GOLGA7: variants seen among roughly 807,000 people sequenced by gnomAD.
GOLGA7 encodes the protein golgin subfamily A member 7.
In GOLGA7, 10 loss-of-function variants were observed where a neutral mutation model predicts 21.1. The observed-to-expected ratio is 0.47, with a 90% CI of 0.29 to 0.80. The LOEUF (loss-of-function observed/expected upper bound fraction) is 0.80, where lower values mean the gene tolerates loss of function less well. Among genes scored for constraint, GOLGA7 ranks in the 30% least tolerant of loss-of-function variants. The pLI, the probability that GOLGA7 is intolerant of heterozygous loss-of-function variation, is 0.08. For synonymous variants in GOLGA7, 64 were observed against 62.6 expected, an observed-to-expected ratio of 1.02 and a Z score of -0.10; for missense variants, 114 against 166.8, an observed-to-expected ratio of 0.68 and a Z score of 1.74.
intron 2 of GOLGA7, among the ~76,000 whole-genome samples, chr8:41,504,629 G>A (rs16890644): frequency 0.18 from 27,423 of 152,050 alleles, 2,992 homozygotes; most frequent in Middle Eastern, 0.31. Context: ...AATTTATTAC[G>A]TAAGAACCAT....
chr8:41,501,023 T>A (rs1223201744), intron 2 of GOLGA7, among the ~76,000 whole-genome samples: 3 of 152,234 alleles, frequency 2.0e-5, no homozygotes, highest in Non-Finnish European at 4.4e-5. Context: ...AGCACATCTC[T>A]TGAGTATTTT....
intron 2 of GOLGA7, among the ~76,000 whole-genome samples, chr8:41,503,307 T>G (rs1370114946): frequency 6.8e-6 from 1 of 146,772 alleles, no homozygotes; most frequent in African/African-American, 2.5e-5. Flanking sequence ...AGATTCTGGA[T>G]ATTAGCCCTT....
At chr8:41,505,608 A>T (rs1204713729) in intron 2 of GOLGA7, among the ~76,000 whole-genome samples, 2 of 152,220 alleles carry the variant, frequency 1.3e-5, no homozygotes. Context: ...GTGTTTCTCC[A>T]TATGCAGGAT....
At position 41,510,049 on chromosome 8, in the gene GOLGA7, G is replaced by A. The variant is rs1460347971; in HGVS notation, c.*481G>A. ...TCCAGGATTTTGGTGAGGGTTGGCT[G>A]TGGCTGTCGTTTTGCACCTCCCAGA... On this transcript the variant is annotated 3_prime_UTR_variant, in exon 5 of 5. Coordinates refer to ENST00000357743, the MANE Select transcript of GOLGA7 (RefSeq NM_001002296.2). The A allele has an allele frequency of 2.0e-5, 3 of 152,472 alleles. No homozygotes were observed. The highest frequency in any genetic ancestry group is 4.4e-5 in the Non-Finnish European group (3 of 68,036). The allele number at this position is 152,472 out of a possible 1,614,324, so 9.4% of individuals were successfully genotyped here. A position where few individuals can be genotyped will look rare whatever the true frequency, so the allele number is the denominator to read the frequency against.
At chr8:41,502,401 T>G (rs1806170552) in intron 2 of GOLGA7, among the ~76,000 whole-genome samples, 1 of 152,260 alleles carries the variant, frequency 6.6e-6, no homozygotes, top group Admixed American at 6.5e-5. Flanking sequence ...TTAAATTTTT[T>G]GAAATTGTAA....
At position 41,490,993 on chromosome 8, in the gene GOLGA7, T is replaced by G. The variant is rs1408437194; in HGVS notation, c.111+28T>G. On this transcript the variant is annotated intron_variant, in intron 1 of 4. Coordinates refer to ENST00000357743, the MANE Select transcript of GOLGA7 (RefSeq NM_001002296.2). ...ACGCAACCTGGCTCCCCACGCCTGC[T>G]CTGGCGAGGGAGAGAGACTCACCGG... is the stretch of plus-strand genomic sequence containing the variant. 5.6e-6 allele frequency: 7 copies of G among 1,254,686 alleles called. No homozygotes were observed. The Admixed American group carries it at 7.8e-5, about 14-fold the overall frequency. 77.7% of individuals were successfully genotyped at this position (1,254,686 alleles called of 1,614,324 possible).
chr8:41,499,385 T>C (rs924341597), intron 2 of GOLGA7, among the ~76,000 whole-genome samples: 1 of 152,234 alleles, frequency 6.6e-6, no homozygotes, highest in Non-Finnish European at 1.5e-5. Context: ...GGGCTTTCTG[T>C]ATCCCAGAGT....
intron 2 of GOLGA7, among the ~76,000 whole-genome samples, chr8:41,503,206 TAA>T (rs35017365): frequency 3.9e-4 from 58 of 148,516 alleles, no homozygotes; most frequent in South Asian, 2.1e-3. Flanking sequence ...CTAAAGTTTA[TAA>T]AAAAAAAAAA....
At chr8:41,495,718 CGTAAGTA>C (rs11277936) in intron 1 of GOLGA7, among the ~76,000 whole-genome samples, 3,611 of 150,196 alleles carry the variant, frequency 0.024, 143 homozygotes, top group African/African-American at 0.085. Context: ...AGAATTCATA[CGTAAGTA>C]GTTATTAATT....
chr8:41,498,548 G>T (rs1289072182), intron 2 of GOLGA7, among the ~76,000 whole-genome samples: 1 of 152,088 alleles, frequency 6.6e-6, no homozygotes, highest in Non-Finnish European at 1.5e-5. Flanking sequence ...CCTCCACCTG[G>T]AATGCTATCT....
intron 2 of GOLGA7, among the ~76,000 whole-genome samples, chr8:41,499,144 G>A (rs1009053712): frequency 2.0e-5 from 3 of 152,148 alleles, no homozygotes; most frequent in Non-Finnish European, 4.4e-5. Flanking sequence ...CCCTCGCAGG[G>A]CGTGTGATGG....
At chr8:41,508,582 CT>C (rs1040671887) in intron 4 of GOLGA7, among the ~76,000 whole-genome samples, 2 of 152,192 alleles carry the variant, frequency 1.3e-5, no homozygotes, top group African/African-American at 4.8e-5. Flanking sequence ...GCTGCGATGA[CT>C]TGGCACAGCC....
chr8:41,501,283 A>G (rs893335945), intron 2 of GOLGA7, among the ~76,000 whole-genome samples: 2 of 151,774 alleles, frequency 1.3e-5, no homozygotes, highest in Non-Finnish European at 2.9e-5. Flanking sequence ...GTTAGTGCTT[A>G]ATAAACAGTG....
chr8:41,497,752 G>C, intron 2 of GOLGA7, 91 bp downstream of exon 2: 1 of 692,992 alleles, frequency 1.4e-6, no homozygotes, highest in South Asian at 1.8e-5. Flanking sequence ...GATAGTTGCC[G>C]TAAAATATTT....
At chr8:41,493,043 C>T (rs1805923214) in intron 1 of GOLGA7, among the ~76,000 whole-genome samples, 1 of 152,202 alleles carries the variant, frequency 6.6e-6, no homozygotes. Context: ...TAGCCCAGAA[C>T]TGCTTGTGGT....
chr8:41,501,378 G>A (rs911127508), intron 2 of GOLGA7, among the ~76,000 whole-genome samples: 2 of 150,984 alleles, frequency 1.3e-5, no homozygotes, highest in African/African-American at 4.9e-5. Context: ...GTGCGATCCC[G>A]GCTCACTGCA....
At chr8:41,505,547 A>T (rs573756946) in intron 2 of GOLGA7, among the ~76,000 whole-genome samples, 1 of 152,356 alleles carries the variant, frequency 6.6e-6, no homozygotes, top group Non-Finnish European at 1.5e-5. Context: ...ACAGCACTTT[A>T]TGAATAGGAA....
At chr8:41,508,761 G>A (rs1277617478) in intron 4 of GOLGA7, among the ~76,000 whole-genome samples, 1 of 152,228 alleles carries the variant, frequency 6.6e-6, no homozygotes, top group Non-Finnish European at 1.5e-5. Flanking sequence ...TTTCATGAAT[G>A]CAGATATTTT....
chr8:41,509,319 C>T (rs563460143), intron 4 of GOLGA7, among the ~76,000 whole-genome samples: 2 of 152,318 alleles, frequency 1.3e-5, no homozygotes, highest in South Asian at 4.1e-4. Flanking sequence ...CAAGGACAAA[C>T]AGCTAGTAGA....
Sources: allele counts gnomAD v4.1 joint callset (sites outside exome capture counted in the v4.1 genomes callset), GRCh38; gene constraint gnomAD v4.1.1; transcripts MANE v1.5; gene names NCBI Gene and HGNC (gene_info 2026-07-23, HGNC 2026-07-21).